The following SULT1E1 variants were observed in gnomAD, a reference collection of about 807,000 sequenced individuals.
SULT1E1 encodes sulfotransferase family 1E member 1, also known as sulfotransferase 1E1.
In SULT1E1, 36 loss-of-function variants were observed where a neutral mutation model predicts 33.6. That is an observed-to-expected ratio of 1.07 (90% CI 0.82 to 1.41). The LOEUF is 1.41. Among genes scored for constraint, SULT1E1 ranks in the 40% most tolerant of loss-of-function variants. SULT1E1 has a pLI of 0.00. For missense variants in SULT1E1, 371 were observed against 345.7 expected (o/e 1.07, Z -0.58); for synonymous variants, 121 against 111.7 (o/e 1.08, Z -0.53).
intron 6 of SULT1E1, among the ~76,000 whole-genome samples, chr4:69,846,305 C>CAAAAAAAAAAAAAAAAAAAAAA (rs34408656): frequency 9.3e-6 from 1 of 107,038 alleles, no homozygotes; most frequent in Admixed American, 1.0e-4. Context: ...ACAAAACAAT[C>CAAAAAAAAAAAAAAAAAAAAAA]AAAAAAAAAA....
At chr4:69,827,316 A>G in the SULT1E1 span, among the ~76,000 whole-genome samples, 14 of 152,164 alleles carry the variant, frequency 9.2e-5, no homozygotes, top group Non-Finnish European at 1.0e-4. Context: ...ACAGCTGAAG[A>G]AAGGGACAAA....
At chr4:69,846,463 TTATAA>T (rs921552520) in intron 6 of SULT1E1, among the ~76,000 whole-genome samples, 3 of 151,336 alleles carry the variant, frequency 2.0e-5, no homozygotes, top group African/African-American at 7.2e-5. Flanking sequence ...CTTCCTTTCA[TTATAA>T]TATAATATCT....
At chr4:69,831,552 C>A in the SULT1E1 span, among the ~76,000 whole-genome samples, 4 of 152,202 alleles carry the variant, frequency 2.6e-5, no homozygotes, top group Non-Finnish European at 5.9e-5. Flanking sequence ...AGAGAGTTCT[C>A]AACCTTTGGG....
the SULT1E1 span, among the ~76,000 whole-genome samples, chr4:69,824,792 C>T: frequency 1.2e-4 from 18 of 152,234 alleles, no homozygotes; most frequent in Middle Eastern, 6.8e-3. Context: ...AATCAGTGCT[C>T]GGTAAAATGA....
chr4:69,823,052 C>T, the SULT1E1 span, among the ~76,000 whole-genome samples: 7 of 152,274 alleles, frequency 4.6e-5, no homozygotes, highest in African/African-American at 1.7e-4. Flanking sequence ...GCAGAAAAAT[C>T]AGGAGGGCAA....
downstream of SULT1E1, among the ~76,000 whole-genome samples, chr4:69,840,772 C>T (rs952085157): frequency 5.9e-5 from 9 of 152,156 alleles, no homozygotes; most frequent in African/African-American, 1.4e-4. Flanking sequence ...ATGGGCCAGG[C>T]GCGGTGGCTC....
At chr4:69,854,116 A>C (rs1721181585) in intron 4 of SULT1E1, 101 bp downstream of exon 4, 1 of 729,670 alleles carries the variant, frequency 1.4e-6, no homozygotes, top group Admixed American at 2.6e-5. Context: ...GTGTCTATAG[A>C]TTCAATGAAA....
the SULT1E1 span, among the ~76,000 whole-genome samples, chr4:69,823,977 C>G: frequency 2.6e-5 from 4 of 152,144 alleles, no homozygotes; most frequent in Non-Finnish European, 5.9e-5. Flanking sequence ...CACATCCACA[C>G]GGCAATGAAG....
chr4:69,856,344 C>T (rs1296361443), intron 2 of SULT1E1, among the ~76,000 whole-genome samples: 1 of 152,074 alleles, frequency 6.6e-6, no homozygotes, highest in Non-Finnish European at 1.5e-5. Context: ...TTATATTAAG[C>T]AGAAGAGCAA....
downstream of SULT1E1, among the ~76,000 whole-genome samples, chr4:69,839,107 T>A (rs1004664235): frequency 6.6e-6 from 1 of 152,238 alleles, no homozygotes; most frequent in African/African-American, 2.4e-5. Context: ...ATGGCTCCAA[T>A]TATGAGCAAT....
the SULT1E1 span, among the ~76,000 whole-genome samples, chr4:69,830,538 C>T: frequency 6.6e-6 from 1 of 152,180 alleles, no homozygotes; most frequent in East Asian, 1.9e-4. Context: ...TGCTTTTCTC[C>T]CACCATTTTT....
chr4:69,826,082 T>G, the SULT1E1 span, among the ~76,000 whole-genome samples: 1 of 152,168 alleles, frequency 6.6e-6, no homozygotes, highest in Non-Finnish European at 1.5e-5. Flanking sequence ...ACAAAAGCTA[T>G]TCCTGAAGCT....
In SULT1E1 at chr4:69,841,536, C is replaced by T. The variant is rs149058088; in HGVS notation, c.*458G>A. 1.3e-5 allele frequency: 2 copies of T among 154,380 alleles called. No homozygotes were observed. Among genetic ancestry groups the T allele is most frequent in the Non-Finnish European group, 2.9e-5 (2 of 69,888 alleles). The allele number at this position is 154,380 out of a possible 1,614,324, so 9.6% of individuals were successfully genotyped here. A position where few individuals can be genotyped will look rare whatever the true frequency, so the allele number is the denominator to read the frequency against. On this transcript the variant is annotated 3_prime_UTR_variant, in exon 8 of 8. Coordinates refer to ENST00000226444, the MANE Select transcript of SULT1E1 (RefSeq NM_005420.3). ...TTTCAGACCAGCCTGGACACTATAG[C>T]AAGCCCCTGTCTATACAAAAAATAG...
In SULT1E1 at chr4:69,857,487, C is replaced by T; in HGVS notation, c.145+13G>A. The T allele has an allele frequency of 6.3e-7, 1 of 1,586,266 alleles. No homozygotes were observed. The highest frequency in any genetic ancestry group is 8.5e-7 in the Non-Finnish European group (1 of 1,171,946). ...TTATTTTTAGGTGAAAAAAGAACAA[C>T]AAAGAGATTTACCAGATTTAGGGTA... On this transcript the variant is annotated intron_variant, in intron 2 of 7. Coordinates refer to ENST00000226444, the MANE Select transcript of SULT1E1 (RefSeq NM_005420.3).
At chr4:69,836,981 G>A (rs1163954242), downstream of SULT1E1, among the ~76,000 whole-genome samples, 1 of 152,148 alleles carries the variant, frequency 6.6e-6, no homozygotes, top group East Asian at 1.9e-4. Flanking sequence ...TACTTGGGAA[G>A]CTGAGGTGGA....
At chr4:69,836,514 G>T (rs1720799327), downstream of SULT1E1, among the ~76,000 whole-genome samples, 1 of 152,118 alleles carries the variant, frequency 6.6e-6, no homozygotes, top group Non-Finnish European at 1.5e-5. Context: ...GTATTTGGTG[G>T]TGAAGAGTTA....
At chr4:69,832,973 T>C in the SULT1E1 span, among the ~76,000 whole-genome samples, 1 of 152,204 alleles carries the variant, frequency 6.6e-6, no homozygotes, top group Non-Finnish European at 1.5e-5. Context: ...CTTTGAGCTC[T>C]GGCCCTTAGA....
intron 5 of SULT1E1, 172 bp downstream of exon 5, chr4:69,849,265 A>G (rs1721048525): frequency 1.9e-6 from 1 of 529,226 alleles, no homozygotes; most frequent in East Asian, 3.6e-5. Flanking sequence ...TTTGCCTTCT[A>G]CATCTGGACA....
the SULT1E1 span, among the ~76,000 whole-genome samples, chr4:69,827,804 G>A: frequency 1.3e-5 from 2 of 152,302 alleles, no homozygotes; most frequent in South Asian, 2.1e-4. Flanking sequence ...AAACTTTGGT[G>A]GTTCAGAGAG....
Sources: allele counts gnomAD v4.1 joint callset (sites outside exome capture counted in the v4.1 genomes callset), GRCh38; gene constraint gnomAD v4.1.1; transcripts MANE v1.5; gene names NCBI Gene and HGNC (gene_info 2026-07-23, HGNC 2026-07-21).